ZNG1A: variants seen among roughly 807,000 people sequenced by gnomAD.
ZNG1A encodes Zn regulated GTPase metalloprotein activator 1A.
chr9:163,536 A>T, the ZNG1A span, among the ~76,000 whole-genome samples: 1 of 152,330 alleles, frequency 6.6e-6, no homozygotes, highest in South Asian at 2.1e-4. Flanking sequence ...TCATTAAACT[A>T]AAGTGTGAAA....
At chr9:161,696 T>C in the ZNG1A span, 3 of 995,658 alleles carry the variant, frequency 3.0e-6, no homozygotes, top group Non-Finnish European at 4.2e-6. Flanking sequence ...TGTAACAACA[T>C]ACTTTTAAAG....
At chr9:154,999 T>G in the ZNG1A span, among the ~76,000 whole-genome samples, 1 of 152,174 alleles carries the variant, frequency 6.6e-6, no homozygotes. Context: ...GTGGATGAAT[T>G]GTGTTCATTA....
chr9:142,950 T>C, the ZNG1A span, among the ~76,000 whole-genome samples: 2 of 135,510 alleles, frequency 1.5e-5, no homozygotes, highest in Non-Finnish European at 3.1e-5. Flanking sequence ...CTAGAAGAAA[T>C]GGATAAATTC....
the ZNG1A span, among the ~76,000 whole-genome samples, chr9:141,543 A>G: frequency 6.3e-4 from 94 of 150,368 alleles, 3 homozygotes; most frequent in East Asian, 0.017. Context: ...TGAAGGAAGC[A>G]CTAAACGTGG....
the ZNG1A span, among the ~76,000 whole-genome samples, chr9:126,890 TGTC>T: frequency 1.3e-5 from 2 of 152,090 alleles, no homozygotes; most frequent in Non-Finnish European, 1.5e-5. Context: ...GGGTCACTCT[TGTC>T]GTTCAGTTTG....
At chr9:125,214 TCTA>T in the ZNG1A span, among the ~76,000 whole-genome samples, 1 of 151,340 alleles carries the variant, frequency 6.6e-6, no homozygotes, top group Admixed American at 6.6e-5. Context: ...CATGCCAACA[TCTA>T]CTATTTTTTT....
the ZNG1A span, among the ~76,000 whole-genome samples, chr9:129,637 A>G: frequency 6.7e-6 from 1 of 149,808 alleles, no homozygotes; most frequent in Non-Finnish European, 1.5e-5. Context: ...ATCAGAAAGT[A>G]AAACGGTGGT....
the ZNG1A span, chr9:148,318 T>G: frequency 1.1e-5 from 1 of 88,124 alleles, no homozygotes; most frequent in Non-Finnish European, 2.5e-5. Flanking sequence ...AGGATCAATA[T>G]TAGACCTGTA....
the ZNG1A span, chr9:171,984 C>T: frequency 6.3e-7 from 1 of 1,589,554 alleles, no homozygotes; most frequent in Non-Finnish European, 8.6e-7. Flanking sequence ...TTAATACTAA[C>T]AAAAGCTTTA....
At chr9:170,381 A>ACG in the ZNG1A span, among the ~76,000 whole-genome samples, 1 of 146,862 alleles carries the variant, frequency 6.8e-6, no homozygotes, top group African/African-American at 2.6e-5. Flanking sequence ...GTGTGTGCGC[A>ACG]TGTGCATGTG....
At chr9:143,543 T>C in the ZNG1A span, among the ~76,000 whole-genome samples, 2 of 117,712 alleles carry the variant, frequency 1.7e-5, no homozygotes, top group African/African-American at 3.7e-5. Context: ...TGGGACGTAT[T>C]TCAAAATAAT....
At chr9:178,954 CA>C in the ZNG1A span, 1 of 1,104,298 alleles carries the variant, frequency 9.1e-7, no homozygotes, top group Non-Finnish European at 1.3e-6. Flanking sequence ...TCCGCAGATC[CA>C]ACAGCCGGTA....
chr9:176,423 G>C, the ZNG1A span, among the ~76,000 whole-genome samples: 3 of 146,992 alleles, frequency 2.0e-5, no homozygotes, highest in African/African-American at 7.6e-5. Context: ...TGGACATTTG[G>C]TTTGTTTCCA....
At chr9:175,331 T>C in the ZNG1A span, among the ~76,000 whole-genome samples, 6 of 151,406 alleles carry the variant, frequency 4.0e-5, no homozygotes, top group East Asian at 3.9e-4. Context: ...TGAGCTGAGA[T>C]TGCACCACTG....
chr9:138,726 C>T, the ZNG1A span, among the ~76,000 whole-genome samples: 1 of 135,800 alleles, frequency 7.4e-6, no homozygotes, highest in African/African-American at 3.1e-5. Context: ...TAGCAAGACA[C>T]CATGCTTACA....
chr9:165,205 G>C, the ZNG1A span, among the ~76,000 whole-genome samples: 1 of 151,502 alleles, frequency 6.6e-6, no homozygotes, highest in Admixed American at 6.6e-5. Context: ...TAATGAGGGG[G>C]GAAATTAAAT....
chr9:147,400 C>T, the ZNG1A span: 4 of 94,962 alleles, frequency 4.2e-5, no homozygotes, highest in Admixed American at 9.5e-5. Context: ...AAAACATCTC[C>T]TTTATCTTAG....
chr9:135,224 T>A, the ZNG1A span, among the ~76,000 whole-genome samples: 3 of 150,896 alleles, frequency 2.0e-5, no homozygotes, highest in African/African-American at 7.4e-5. Flanking sequence ...AAAATTTCTT[T>A]AAAAAAAACC....
At chr9:140,322 G>C in the ZNG1A span, among the ~76,000 whole-genome samples, 553 of 151,726 alleles carry the variant, frequency 3.6e-3, 4 homozygotes, top group Non-Finnish European at 6.4e-3. Context: ...ATCTGAGAAC[G>C]GGCAGACTGC....
Sources: allele counts gnomAD v4.1 joint callset (sites outside exome capture counted in the v4.1 genomes callset), GRCh38; gene constraint gnomAD v4.1.1; transcripts MANE v1.5; gene names NCBI Gene and HGNC (gene_info 2026-07-23, HGNC 2026-07-21).